The following RNF220 variants were observed in gnomAD, a reference collection of about 807,000 sequenced individuals.
RNF220 encodes the protein E3 ubiquitin-protein ligase RNF220.
Under a neutral mutation model 67.1 loss-of-function variants are expected in RNF220, and 7 were observed. That is an observed-to-expected ratio of 0.10 (90% confidence interval 0.06 to 0.20). The LOEUF is 0.20. Among genes scored for constraint, RNF220 ranks in the 10% least tolerant of loss-of-function variants. The pLI is 1.00. For missense variants in RNF220, 565 were observed against 740.3 expected (o/e 0.76, Z 2.75); for synonymous variants, 270 against 283.2 (o/e 0.95, Z 0.47).
intron 8 of RNF220, among the ~76,000 whole-genome samples, chr1:44,640,784 C>T (rs1037002488): frequency 1.1e-4 from 17 of 152,192 alleles, no homozygotes; most frequent in African/African-American, 4.1e-4. Context: ...CACAAGACAC[C>T]GTAACTGCAT....
intron 3 of RNF220, 41 bp downstream of exon 3, chr1:44,614,338 A>G: frequency 6.2e-7 from 1 of 1,603,700 alleles, no homozygotes; most frequent in Non-Finnish European, 8.5e-7. Flanking sequence ...GGAGGAGTCC[A>G]CTCAGGGTTC....
chr1:44,541,012 A>G lies in RNF220; in HGVS notation c.626-73153A>G, dbSNP rs116798577. Among the ~76,000 whole-genome samples the G allele has an allele frequency of 1.8e-3, 273 of 152,296 alleles. 2 individuals are homozygous for G. Among genetic ancestry groups the G allele is most frequent in the African/African-American group, 6.3e-3 (260 of 41,548 alleles). On this transcript the variant is annotated intron_variant, in intron 2 of 14. Transcript: ENST00000361799. ...TTTGCAATCTGCCAGGCATTATTCT[A>G]GGTGTTTTCCCTTAGATTCTTTCAC...
rs1406805448 is a variant in RNF220, at chr1:44,645,148, G to A, written c.1310+67G>A. 1.6e-5 allele frequency: 25 copies of A among 1,612,172 alleles called. No homozygotes were observed. Among genetic ancestry groups the A allele is most frequent in the South Asian group, 1.2e-4 (11 of 91,052 alleles). On this transcript the variant is annotated intron_variant, in intron 10 of 14. Coordinates refer to ENST00000361799, the MANE Select transcript of RNF220 (RefSeq NM_018150.4). The surrounding 1 kb of genome is among the most constrained non-coding windows in gnomAD (Gnocchi z 5.0). ...AGGAAGCCCTGAGGCAGGGGTTAAC[G>A]CAGTACTGACCCTCAGGGCTGTCCT...
At chr1:44,607,815 C>A (rs1327995891) in intron 2 of RNF220, among the ~76,000 whole-genome samples, 3 of 152,008 alleles carry the variant, frequency 2.0e-5, no homozygotes. Flanking sequence ...ATCTAGAGCA[C>A]CACTTCCCCC....
chr1:44,646,017 A>C (rs1471435167), intron 12 of RNF220, among the ~76,000 whole-genome samples: 2 of 152,224 alleles, frequency 1.3e-5, no homozygotes, highest in Non-Finnish European at 2.9e-5. Context: ...CCTGGGAACC[A>C]CAAAGATTTG....
chr1:44,524,305 G>A (rs574972809), intron 2 of RNF220, among the ~76,000 whole-genome samples: 2 of 152,156 alleles, frequency 1.3e-5, no homozygotes, highest in South Asian at 2.1e-4. Flanking sequence ...CTCCCACCTC[G>A]GGTAGGTGGG....
At chr1:44,548,215 T>G (rs1477608340) in intron 2 of RNF220, among the ~76,000 whole-genome samples, 1 of 152,180 alleles carries the variant, frequency 6.6e-6, no homozygotes, top group Non-Finnish European at 1.5e-5. Flanking sequence ...GTAGCTCACT[T>G]ATACTGTCTA....
chr1:44,439,058 C>A (rs953939349), intron 2 of RNF220, among the ~76,000 whole-genome samples: 2 of 152,186 alleles, frequency 1.3e-5, no homozygotes, highest in African/African-American at 4.8e-5. Flanking sequence ...AACAACATTA[C>A]AGAGAACATC....
intron 2 of RNF220, among the ~76,000 whole-genome samples, chr1:44,547,963 C>T (rs1662304021): frequency 6.6e-6 from 1 of 152,236 alleles, no homozygotes; most frequent in East Asian, 1.9e-4. Flanking sequence ...TCTTATTACC[C>T]CCAGCACCCG....
intron 2 of RNF220, among the ~76,000 whole-genome samples, chr1:44,451,195 A>G (rs1652643323): frequency 1.4e-5 from 2 of 143,562 alleles, no homozygotes; most frequent in Non-Finnish European, 3.1e-5. Flanking sequence ...AAAGAAAAAG[A>G]AAAAAAAAAA....
intron 2 of RNF220, among the ~76,000 whole-genome samples, chr1:44,459,733 G>A (rs1653576194): frequency 6.6e-6 from 1 of 152,220 alleles, no homozygotes; most frequent in Non-Finnish European, 1.5e-5. Flanking sequence ...GCCGATGAAA[G>A]AGGGAATATC....
intron 2 of RNF220, among the ~76,000 whole-genome samples, chr1:44,506,825 T>A (rs1658473185): frequency 6.6e-6 from 1 of 152,192 alleles, no homozygotes; most frequent in African/African-American, 2.4e-5. Flanking sequence ...CGGTTTCATC[T>A]GTAAAATGAG....
At chr1:44,530,424 G>A (rs1231468591) in intron 2 of RNF220, among the ~76,000 whole-genome samples, 1 of 151,620 alleles carries the variant, frequency 6.6e-6, no homozygotes, top group Non-Finnish European at 1.5e-5. Context: ...TGTACAAAAA[G>A]GACATCTCGT....
intron 2 of RNF220, among the ~76,000 whole-genome samples, chr1:44,576,955 C>G (rs1343005519): frequency 6.6e-6 from 1 of 152,108 alleles, no homozygotes; most frequent in Non-Finnish European, 1.5e-5. Flanking sequence ...AAACTGCAGA[C>G]AAGTGGGGAC....
chr1:44,564,427 C>T (rs1663821742), intron 2 of RNF220, among the ~76,000 whole-genome samples: 1 of 152,068 alleles, frequency 6.6e-6, no homozygotes, highest in South Asian at 2.1e-4. Context: ...TTTTAAAGCA[C>T]CCCAGTTAAT....
intron 8 of RNF220, among the ~76,000 whole-genome samples, chr1:44,639,624 G>C (rs1644430032): frequency 6.6e-6 from 1 of 152,198 alleles, no homozygotes; most frequent in Non-Finnish European, 1.5e-5. Flanking sequence ...CAGCAGTGCA[G>C]GGTCTTTGTC....
intron 2 of RNF220, among the ~76,000 whole-genome samples, chr1:44,607,375 A>G (rs1266975927): frequency 1.3e-5 from 2 of 152,024 alleles, no homozygotes; most frequent in African/African-American, 2.4e-5. Flanking sequence ...CACCCTCTCT[A>G]TCATCATACC....
At chr1:44,612,137 AC>A (rs1350261903) in intron 2 of RNF220, among the ~76,000 whole-genome samples, 2 of 152,150 alleles carry the variant, frequency 1.3e-5, no homozygotes, top group Non-Finnish European at 2.9e-5. Flanking sequence ...CTCCTCAGAG[AC>A]CTTGCCACAC....
intron 2 of RNF220, among the ~76,000 whole-genome samples, chr1:44,500,729 C>G (rs12401327): frequency 2.1e-3 from 315 of 152,220 alleles, no homozygotes; most frequent in Admixed American, 4.8e-3. Context: ...ACCTGGGCAT[C>G]CCCCTCCCCA....
Sources: gnomAD v4.1 joint callset for allele counts (sites outside exome capture counted in the v4.1 genomes callset) on GRCh38, gnomAD v4.1.1 for gene constraint, Gnocchi (gnomAD v3.1) non-coding constraint, MANE v1.5 for transcripts, NCBI Gene and HGNC (gene_info 2026-07-23, HGNC 2026-07-21) for gene names.